PPA2: variants seen among roughly 807,000 people sequenced by gnomAD.
PPA2 encodes the protein inorganic pyrophosphatase 2, mitochondrial.
Under a neutral mutation model 49.5 loss-of-function variants are expected in PPA2, and 48 were observed. That is an observed-to-expected ratio of 0.97 (90% CI 0.77 to 1.23). PPA2 has a LOEUF of 1.23. Ranked by LOEUF, PPA2 falls within the 50% of genes most tolerant of loss-of-function variation. The pLI is 0.00. For missense variants in PPA2, 429 were observed against 410.1 expected, an observed-to-expected ratio of 1.05 and a Z score of -0.40; for synonymous variants, 131 against 139.9, an observed-to-expected ratio of 0.94 and a Z score of 0.45.
intron 6 of PPA2, among the ~76,000 whole-genome samples, chr4:105,430,887 A>T (rs938566426): frequency 6.6e-6 from 1 of 152,242 alleles, no homozygotes; most frequent in Non-Finnish European, 1.5e-5. Flanking sequence ...CACTTACAAA[A>T]ACTAGTGTAC....
At chr4:105,425,413 T>A (rs1464681881) in intron 6 of PPA2, among the ~76,000 whole-genome samples, 1 of 152,016 alleles carries the variant, frequency 6.6e-6, no homozygotes, top group Non-Finnish European at 1.5e-5. Context: ...CTAAGACATA[T>A]ATAATCTGAA....
intron 3 of PPA2, 33 bp from the exon 4 acceptor site, chr4:105,449,436 TA>T: frequency 7.1e-7 from 1 of 1,407,422 alleles, no homozygotes; most frequent in Non-Finnish European, 9.8e-7. Flanking sequence ...GAGAGAACAT[TA>T]AAAATTTTAC....
At chr4:105,464,408 G>T (rs927531394) in intron 1 of PPA2, among the ~76,000 whole-genome samples, 1 of 152,180 alleles carries the variant, frequency 6.6e-6, no homozygotes, top group Non-Finnish European at 1.5e-5. Context: ...ATAGGTAGAA[G>T]GGACTTGCCT....
chr4:105,423,788 C>G (rs1560624206), intron 7 of PPA2, among the ~76,000 whole-genome samples: 1 of 152,164 alleles, frequency 6.6e-6, no homozygotes, highest in Admixed American at 6.5e-5. Flanking sequence ...GATGAACACT[C>G]CTTCCTTAGT....
Position 105,474,051 on chromosome 4 carries a change from G to A in PPA2, c.-1C>T. ...GCAGCAGCCGCAGCAGCGCGCTCAT[G>A]GCGTCAATGACGGTCCTGCTGTGCG... On this transcript the variant is annotated 5_prime_UTR_variant, in exon 1 of 12. Transcript: ENST00000341695. The A allele has an allele frequency of 6.3e-7, 1 of 1,580,306 alleles. No homozygotes were observed. Among genetic ancestry groups the A allele is most frequent in the Non-Finnish European group, 8.6e-7 (1 of 1,162,404 alleles).
chr4:105,456,650 T>C (rs1193572467), intron 2 of PPA2, 31 bp downstream of exon 2: 3 of 1,538,816 alleles, frequency 1.9e-6, no homozygotes, highest in Non-Finnish European at 2.7e-6. Context: ...GCAGTACACG[T>C]TTTCATTCCC....
chr4:105,398,334 A>G (rs1578816754), intron 8 of PPA2: 1 of 125,458 alleles, frequency 8.0e-6, no homozygotes, highest in East Asian at 3.6e-4. Context: ...TTTCAAAAAA[A>G]CACTGAGTCC....
At chr4:105,409,554 C>T (rs900194263) in intron 7 of PPA2, among the ~76,000 whole-genome samples, 3 of 152,222 alleles carry the variant, frequency 2.0e-5, no homozygotes, top group South Asian at 2.1e-4. Flanking sequence ...CCCAGCACAG[C>T]GTTTGAACTC....
intron 7 of PPA2, among the ~76,000 whole-genome samples, chr4:105,406,134 C>T (rs978107491): frequency 8.9e-6 from 1 of 112,458 alleles, no homozygotes; most frequent in African/African-American, 3.0e-5. Flanking sequence ...AAAAAAGAAC[C>T]AAAAGGAGGA....
chr4:105,392,985 T>G (rs774426520), intron 9 of PPA2, among the ~76,000 whole-genome samples: 1 of 152,076 alleles, frequency 6.6e-6, no homozygotes, highest in African/African-American at 2.4e-5. Context: ...TCTTAAAAGA[T>G]GAGTAACATG....
intron 7 of PPA2, among the ~76,000 whole-genome samples, chr4:105,420,766 TTAAG>T (rs1397566728): frequency 2.0e-5 from 3 of 152,276 alleles, no homozygotes; most frequent in African/African-American, 7.2e-5. Flanking sequence ...ATGGTAGAAT[TTAAG>T]TAAGTAGAAC....
chr4:105,470,538 CA>C (rs566470116), intron 1 of PPA2, among the ~76,000 whole-genome samples: 233 of 152,256 alleles, frequency 1.5e-3, no homozygotes, highest in African/African-American at 5.4e-3. Context: ...ACAACAACAA[CA>C]AAAAACCTTC....
chr4:105,377,324 A>G (rs1733296709), intron 10 of PPA2, among the ~76,000 whole-genome samples: 1 of 152,140 alleles, frequency 6.6e-6, no homozygotes, highest in Admixed American at 6.6e-5. Context: ...AAAACCCAAC[A>G]TTTATTGAAT....
chr4:105,469,561 G>A (rs1276463826), intron 1 of PPA2, among the ~76,000 whole-genome samples: 1 of 152,150 alleles, frequency 6.6e-6, no homozygotes. Context: ...GGAAGCTTCA[G>A]CAATGACTAA....
intron 1 of PPA2, chr4:105,473,639 A>G (rs1416850597): frequency 2.9e-5 from 21 of 719,062 alleles, no homozygotes; most frequent in Non-Finnish European, 3.6e-5. Flanking sequence ...ACAGGGCGCT[A>G]TCTACCCCCC....
In PPA2 at chr4:105,410,296, G is replaced by C. The variant is rs557876367; in HGVS notation, c.656-11132C>G. Among the ~76,000 whole-genome samples the C allele has an allele frequency of 3.8e-4, 58 of 152,342 alleles. 1 individual carries two copies. In the South Asian group the frequency reaches 0.012, roughly 30 times the overall value. On this transcript the variant is annotated intron_variant, in intron 7 of 11. Transcript: ENST00000341695. Reference sequence around the variant, plus strand: ...AAGCTTCAACAGCTGATTTGATGAAGTGGAAGAAAGGATATCAGTGACTGA... The same window carrying C: ...AAGCTTCAACAGCTGATTTGATGAACTGGAAGAAAGGATATCAGTGACTGA...
At chr4:105,458,019 T>G (rs891735877) in intron 1 of PPA2, among the ~76,000 whole-genome samples, 4 of 152,104 alleles carry the variant, frequency 2.6e-5, no homozygotes, top group Non-Finnish European at 5.9e-5. Context: ...ATCAGAAGAC[T>G]GGAGGTATGG....
At chr4:105,438,170 A>G in intron 5 of PPA2, 134 bp from the exon 6 acceptor site, 3 of 638,338 alleles carry the variant, frequency 4.7e-6, no homozygotes, top group South Asian at 4.4e-5. Flanking sequence ...ACATAGGCCC[A>G]AGGCCAACAG....
chr4:105,473,892 A>G lies in PPA2; in HGVS notation c.157+2T>C. 6.3e-7 allele frequency: 1 copy of G among 1,594,972 alleles called. No individual in the cohort carries two copies. Among genetic ancestry groups the G allele is most frequent in the East Asian group, 2.3e-5 (1 of 44,436 alleles). The stretch of plus-strand genomic sequence containing the variant: ...CTCGGCGAACCTCCGGGAGCTACTT[A>G]CTAAAGAAGAGGCGGTAATTCTGCG... On this transcript the variant is annotated splice_donor_variant, in intron 1 of 11. Coordinates refer to ENST00000341695, the MANE Select transcript of PPA2 (RefSeq NM_176869.3). LOFTEE classifies it high-confidence loss of function.
Sources: gnomAD v4.1 joint callset for allele counts (sites outside exome capture counted in the v4.1 genomes callset) on GRCh38, gnomAD v4.1.1 for gene constraint, MANE v1.5 for transcripts, NCBI Gene and HGNC (gene_info 2026-07-23, HGNC 2026-07-21) for gene names.